Variants in RBMS3 observed in about 807,000 individuals in gnomAD.
RBMS3 encodes the protein RNA-binding motif, single-stranded-interacting protein 3.
In RBMS3, 27 loss-of-function variants were observed where a neutral mutation model predicts 66.8. That is an observed-to-expected ratio of 0.40 (90% confidence interval 0.30 to 0.56). RBMS3 has a LOEUF of 0.56. Ranked by LOEUF, RBMS3 falls within the 20% of genes least tolerant of loss-of-function variation. The probability of loss-of-function intolerance (pLI) is 0.40; values close to 1 mark genes in which losing one functional copy is unlikely to be tolerated. For missense variants in RBMS3, 513 were observed against 549.5 expected, an observed-to-expected ratio of 0.93 and a Z score of 0.66; for synonymous variants, 188 against 183.0, an observed-to-expected ratio of 1.03 and a Z score of -0.22.
intron 3 of RBMS3, among the ~76,000 whole-genome samples, chr3:29,542,283 CT>C (rs1241788677): frequency 3.3e-5 from 5 of 152,240 alleles, no homozygotes; most frequent in Middle Eastern, 6.8e-3. Flanking sequence ...ATTTTTAATA[CT>C]TTGCCCATTT....
intron 1 of RBMS3, among the ~76,000 whole-genome samples, chr3:29,395,359 C>G (rs537969762): frequency 1.3e-5 from 2 of 152,076 alleles, no homozygotes; most frequent in Non-Finnish European, 2.9e-5. Flanking sequence ...TGTAAAACGG[C>G]ATGTAGGGTA....
Position 29,476,750 on chromosome 3 carries a change from T to A in RBMS3, c.249-11691T>A, listed in dbSNP as rs182946795. On this transcript the variant is annotated intron_variant, in intron 2 of 14. Coordinates refer to ENST00000383767, the MANE Select transcript of RBMS3 (RefSeq NM_001003793.3). ...CTGCTTTTTCTATGTATGTAATTTT[T>A]AAAAAAAAATAAAAATCACCTTCAT... is the stretch of plus-strand genomic sequence containing the variant. 7.3e-4 allele frequency among the ~76,000 whole-genome samples: 111 copies of A among 151,896 alleles called. 1 individual carries two copies. The highest frequency in any genetic ancestry group is 2.1e-3 in the South Asian group (10 of 4,816).
At chr3:29,537,919 A>G (rs931849218) in intron 3 of RBMS3, among the ~76,000 whole-genome samples, 3 of 152,048 alleles carry the variant, frequency 2.0e-5, no homozygotes, top group African/African-American at 4.8e-5. Flanking sequence ...AGTCATGATG[A>G]ACTACTAATA....
intron 1 of RBMS3, among the ~76,000 whole-genome samples, chr3:29,394,118 C>G (rs2039435565): frequency 1.3e-5 from 2 of 152,120 alleles, no homozygotes; most frequent in Admixed American, 1.3e-4. Flanking sequence ...GTATTTCATC[C>G]CTTATCTTCA....
rs112476139 is a variant in RBMS3 at position 29,534,960 on chromosome 3, A to T, written c.307+46461A>T. Reference sequence around the variant, plus strand: ...CAAATTGAGAAAAGAAAAAAAAAACACAGTCAACAATAGGATATATGGTAG... The same window carrying T: ...CAAATTGAGAAAAGAAAAAAAAAACTCAGTCAACAATAGGATATATGGTAG... On this transcript the variant is annotated intron_variant, in intron 3 of 14. Coordinates refer to ENST00000383767, the MANE Select transcript of RBMS3 (RefSeq NM_001003793.3). Among the ~76,000 whole-genome samples the T allele has an allele frequency of 1.6e-3, 248 of 152,118 alleles. 2 individuals carry two copies. The highest frequency in any genetic ancestry group is 5.8e-3 in the African/African-American group (241 of 41,522).
intron 10 of RBMS3, among the ~76,000 whole-genome samples, chr3:29,905,933 AG>A (rs1316117505): frequency 6.6e-6 from 1 of 152,102 alleles, no homozygotes; most frequent in Non-Finnish European, 1.5e-5. Context: ...AAATTTTTCT[AG>A]CTATTTTACA....
At chr3:29,528,331 T>A (rs1280648689) in intron 3 of RBMS3, among the ~76,000 whole-genome samples, 1 of 152,110 alleles carries the variant, frequency 6.6e-6, no homozygotes, top group Non-Finnish European at 1.5e-5. Flanking sequence ...CAGGCTGGTC[T>A]CAAACTCCTG....
chr3:29,847,685 T>G (rs58248776), intron 6 of RBMS3, among the ~76,000 whole-genome samples: 7,699 of 152,094 alleles, frequency 0.051, 281 homozygotes, highest in East Asian at 0.12. Context: ...AGACGGAGTC[T>G]CCCTCTGTCG....
intron 4 of RBMS3, among the ~76,000 whole-genome samples, chr3:29,593,284 A>C (rs936515366): frequency 1.3e-5 from 2 of 152,222 alleles, no homozygotes; most frequent in Non-Finnish European, 2.9e-5. Context: ...GGTATATGAC[A>C]GGCATTGTCA....
At chr3:29,622,806 C>G (rs1486399973) in intron 4 of RBMS3, among the ~76,000 whole-genome samples, 1 of 152,138 alleles carries the variant, frequency 6.6e-6, no homozygotes, top group Non-Finnish European at 1.5e-5. Context: ...TCAGTGTGCT[C>G]ATCTGTAAAA....
intron 1 of RBMS3, among the ~76,000 whole-genome samples, chr3:29,416,674 T>C (rs2040489932): frequency 6.6e-6 from 1 of 152,016 alleles, no homozygotes; most frequent in African/African-American, 2.4e-5. Flanking sequence ...GTCTGAATGG[T>C]TTCCAAGAAT....
chr3:29,393,748 C>T (rs937282485), intron 1 of RBMS3, among the ~76,000 whole-genome samples: 1 of 152,024 alleles, frequency 6.6e-6, no homozygotes, highest in Non-Finnish European at 1.5e-5. Flanking sequence ...ACAGCTGGGC[C>T]TCCGGGGGTG....
chr3:29,634,992 A>G (rs2049423366), intron 4 of RBMS3, among the ~76,000 whole-genome samples: 1 of 151,916 alleles, frequency 6.6e-6, no homozygotes, highest in African/African-American at 2.4e-5. Flanking sequence ...AAGCATTTCT[A>G]CTTCTCACTT....
chr3:29,712,308 T>G (rs2053206499), intron 4 of RBMS3, among the ~76,000 whole-genome samples: 1 of 152,122 alleles, frequency 6.6e-6, no homozygotes, highest in African/African-American at 2.4e-5. Flanking sequence ...TTGTTAATTT[T>G]TATTTATTAT....
intron 3 of RBMS3, 84 bp from the exon 4 acceptor site, chr3:29,587,030 C>T: frequency 9.9e-7 from 1 of 1,005,874 alleles, no homozygotes; most frequent in South Asian, 1.5e-5. Flanking sequence ...GAATGCAAGT[C>T]TATCTGTAAA....
intron 6 of RBMS3, among the ~76,000 whole-genome samples, chr3:29,806,410 A>G (rs1435408901): frequency 6.6e-6 from 1 of 151,944 alleles, no homozygotes; most frequent in Non-Finnish European, 1.5e-5. Flanking sequence ...AAAGTTAAGC[A>G]CAAAACTGTT....
intron 4 of RBMS3, among the ~76,000 whole-genome samples, chr3:29,600,218 C>T (rs1027626925): frequency 6.6e-6 from 1 of 152,038 alleles, no homozygotes; most frequent in African/African-American, 2.4e-5. Flanking sequence ...AATATTTGCA[C>T]GTTTGTCCCT....
At chr3:29,478,343 G>A (rs572804011) in intron 2 of RBMS3, among the ~76,000 whole-genome samples, 1 of 152,260 alleles carries the variant, frequency 6.6e-6, no homozygotes, top group East Asian at 1.9e-4. Flanking sequence ...ATTGTCTAAT[G>A]AGGGCCCCAT....
chr3:29,675,673 A>G (rs2051216614), intron 4 of RBMS3, among the ~76,000 whole-genome samples: 1 of 152,246 alleles, frequency 6.6e-6, no homozygotes. Context: ...AGACACATGA[A>G]AAAATGCTCA....
Sources: gnomAD v4.1 joint callset for allele counts (sites outside exome capture counted in the v4.1 genomes callset) on GRCh38, gnomAD v4.1.1 for gene constraint, MANE v1.5 for transcripts, NCBI Gene and HGNC (gene_info 2026-07-23, HGNC 2026-07-21) for gene names.